KIF9: variants seen among roughly 807,000 people sequenced by gnomAD.
KIF9 encodes kinesin family member 9, also known as kinesin-like protein KIF9.
In KIF9, 68 loss-of-function variants were observed where a neutral mutation model predicts 94.8. The ratio of observed to expected loss-of-function variants is 0.72; its 90% CI spans 0.59 to 0.88. KIF9 has a LOEUF of 0.88. Among genes scored for constraint, KIF9 ranks in the 40% least tolerant of loss-of-function variants. The probability of loss-of-function intolerance (pLI) is 0.00; values close to 1 mark genes in which losing one functional copy is unlikely to be tolerated. For missense variants in KIF9, 882 were observed against 982.5 expected (o/e 0.90, Z 1.37); for synonymous variants, 343 against 362.1 (o/e 0.95, Z 0.60).
chr3:47,269,170 A>C (rs961244770), intron 5 of KIF9, among the ~76,000 whole-genome samples: 2 of 152,264 alleles, frequency 1.3e-5, no homozygotes, highest in African/African-American at 4.8e-5. Flanking sequence ...CATGCCTGTG[A>C]ATAGCCATTG....
At position 47,275,380 on chromosome 3, in the gene KIF9, C is replaced by G; in HGVS notation, c.204G>C (p.Leu68Phe). 6.2e-7 allele frequency: 1 copy of G among 1,613,966 alleles called. No individual in the cohort carries two copies. Among genetic ancestry groups the G allele is most frequent in the Non-Finnish European group, 8.5e-7 (1 of 1,179,894 alleles). The change falls in exon 3 of 21, where the codon TTG becomes TTC. Residue 68 changes from leucine (L) to phenylalanine (F), a missense_variant. By Grantham distance (22) the Leu-to-Phe change is conservative. Coordinates refer to ENST00000684063, the MANE Select transcript of KIF9 (RefSeq NM_182902.4). Reference protein sequence around the residue: ...DGVLHDASQDLVYETVAKDVV... With the variant: ...DGVLHDASQDFVYETVAKDVV... ...CATCCTTTGCAACTGTCTCATAAAC[C>G]AAGTCCTGGGAGGCATCGTGAAGAA...
intron 1 of KIF9, chr3:47,281,990 C>T (rs1393949619): frequency 1.8e-5 from 3 of 163,702 alleles, no homozygotes; most frequent in Admixed American, 1.3e-4. Context: ...CTGGGTCCAA[C>T]TGCACCTGGC....
chr3:47,250,547 T>C (rs1008250132), intron 10 of KIF9: 2 of 484,662 alleles, frequency 4.1e-6, no homozygotes, highest in South Asian at 1.5e-5. Context: ...TGTGCCAATG[T>C]CGTAACAAGG....
chr3:47,235,525 C>G lies in KIF9; in HGVS notation c.2310G>C (p.Lys770Asn). The G allele has an allele frequency of 6.2e-7, 1 of 1,613,398 alleles. No homozygotes were observed. Among genetic ancestry groups the G allele is most frequent in the Non-Finnish European group, 8.5e-7 (1 of 1,179,290 alleles). ...DSISFYNAKV[K>N]IEQKHNYLKT... Reference sequence around the variant, plus strand: ...GCCTCTGAGTTACCTTCTGCTCTATCTTGACTTTGGCATTGTAGAAGGAGA... The same window carrying G: ...GCCTCTGAGTTACCTTCTGCTCTATGTTGACTTTGGCATTGTAGAAGGAGA... Residue 770 changes from lysine to asparagine, a missense_variant, in exon 20 of 21, where the codon AAG becomes AAC. Coordinates refer to ENST00000684063, the MANE Select transcript of KIF9 (RefSeq NM_182902.4).
rs147452319 is a variant in KIF9 at position 47,237,357 on chromosome 3, G to T, written c.1925-738C>A. ...GATCCGCCCGCCTCGGCCTCCCAAA[G>T]TGGTGGGATTACAGGCGTGAGCCAC... is the stretch of plus-strand genomic sequence containing the variant. On this transcript the variant is annotated intron_variant, in intron 17 of 20. Transcript: ENST00000684063. 1.9e-3 allele frequency among the ~76,000 whole-genome samples: 285 copies of T among 152,340 alleles called. 2 individuals are homozygous for T. Among genetic ancestry groups the T allele is most frequent in the African/African-American group, 6.6e-3 (273 of 41,582 alleles).
intron 14 of KIF9, 73 bp from the exon 15 acceptor site, chr3:47,244,997 A>G: frequency 6.3e-7 from 1 of 1,585,034 alleles, no homozygotes; most frequent in African/African-American, 1.3e-5. Context: ...CCACATGTAT[A>G]TGGCCCAAGG....
chr3:47,273,034 G>A (rs1246107639), intron 4 of KIF9, among the ~76,000 whole-genome samples: 1 of 152,184 alleles, frequency 6.6e-6, no homozygotes, highest in Non-Finnish European at 1.5e-5. Context: ...CCAAAGGAAG[G>A]CCCTTCTGTC....
intron 13 of KIF9, 185 bp from the exon 14 acceptor site, chr3:47,245,696 C>T (rs1699878203): frequency 5.0e-6 from 3 of 598,508 alleles, no homozygotes; most frequent in Non-Finnish European, 9.0e-6. Context: ...TTGCATATAC[C>T]CACTGTCCGA....
rs745962914 is a variant in KIF9 at position 47,236,076 on chromosome 3, G to A, written c.2175C>T (p.Ser725=). 2 of 1,614,182 alleles carry A rather than the reference G, an allele frequency of 1.2e-6. No homozygotes were observed. The highest frequency in any genetic ancestry group is 1.7e-6 in the Non-Finnish European group (2 of 1,180,010). ...DMQMALKPGG[S]IRPGMVPVNR... is the part of the protein sequence containing the mutation. Reference sequence around the variant, plus strand: ...TCACAGGGACCATGCCTGGCCGGATGCTGCCGCCTGGCTTCAGTGCCATCT... The same window carrying A: ...TCACAGGGACCATGCCTGGCCGGATACTGCCGCCTGGCTTCAGTGCCATCT... The change falls in exon 19 of 21, where the codon AGC becomes AGT. Residue 725 remains serine, a synonymous_variant. Coordinates refer to ENST00000684063, the MANE Select transcript of KIF9 (RefSeq NM_182902.4).
At position 47,271,447 on chromosome 3, in the gene KIF9, G is replaced by C. The variant is rs769750758; in HGVS notation, c.381C>G (p.Ile127Met). ...TGATGGCATGTGTGGGGCGTTCTTC[G>C]ATCATCCTAAAAACCTAGATGACAG... ...PRALQQVFRMIEERPTHAITV... is the reference protein window; with the variant it reads ...PRALQQVFRMMEERPTHAITV... The change falls in exon 5 of 21, where the codon ATC becomes ATG. Residue 127 changes from isoleucine to methionine, a missense_variant. Coordinates refer to ENST00000684063, the MANE Select transcript of KIF9 (RefSeq NM_182902.4). The C allele has an allele frequency of 6.2e-7, 1 of 1,613,892 alleles. No individual in the cohort carries two copies. Among genetic ancestry groups the C allele is most frequent in the South Asian group, 1.1e-5 (1 of 91,042 alleles).
At position 47,236,162 on chromosome 3, in the gene KIF9, G is replaced by A; in HGVS notation, c.2102-13C>T. The A allele has an allele frequency of 6.3e-7, 1 of 1,590,622 alleles. No homozygotes were observed. The highest frequency in any genetic ancestry group is 8.6e-7 in the Non-Finnish European group (1 of 1,158,646). On this transcript the variant is annotated splice_polypyrimidine_tract_variant and intron_variant, in intron 18 of 20. Coordinates refer to ENST00000684063, the MANE Select transcript of KIF9 (RefSeq NM_182902.4). Reference sequence around the variant, plus strand: ...CAGATGTCAAATTCTACAAGGAGGTGAGGAGACAGAACTTGAGGAAGCCGG... The same window carrying A: ...CAGATGTCAAATTCTACAAGGAGGTAAGGAGACAGAACTTGAGGAAGCCGG...
chr3:47,281,327 TTTTTTG>T (rs1014202395), intron 1 of KIF9: 25 of 342,840 alleles, frequency 7.3e-5, no homozygotes, highest in African/African-American at 2.3e-4. Flanking sequence ...ACCACACGCT[TTTTTTG>T]TTTTTGTTTT....
intron 9 of KIF9, chr3:47,263,541 T>C (rs1442949551): frequency 4.7e-6 from 1 of 211,602 alleles, no homozygotes; most frequent in Non-Finnish European, 9.7e-6. Flanking sequence ...CCCCCCGCAG[T>C]AGATAGATGT....
In KIF9 at chr3:47,267,022, A is replaced by T. The variant is rs958678476; in HGVS notation, c.722T>A (p.Ile241Asn). Residue 241 changes from isoleucine to asparagine, a missense_variant, in exon 7 of 21, where the codon ATT (isoleucine) becomes AAT (asparagine). Ile to Asn is a moderately radical substitution (Grantham distance 149). Transcript: ENST00000684063. ...TGAGCCTGCCAGATCCACCAAGTTAATTTTGGAAGTGATGTACTTTTCCTC... is the reference window on the plus strand; with the variant it reads ...TGAGCCTGCCAGATCCACCAAGTTATTTTTGGAAGTGATGTACTTTTCCTC... Reference protein sequence around the residue: ...LSEEKYITSKINLVDLAGSER... With the variant: ...LSEEKYITSKNNLVDLAGSER... 7 of 1,613,756 alleles carry T rather than the reference A, an allele frequency of 4.3e-6. No homozygotes were observed. Among genetic ancestry groups the T allele is most frequent in the Non-Finnish European group, 5.9e-6 (7 of 1,180,006 alleles).
intron 20 of KIF9, among the ~76,000 whole-genome samples, chr3:47,229,943 AG>A (rs1219357530): frequency 1.3e-5 from 2 of 152,098 alleles, no homozygotes; most frequent in South Asian, 2.1e-4. Flanking sequence ...CATGTTAGCC[AG>A]GCTGGTCCTG....
chr3:47,255,370 G>A lies in KIF9; in HGVS notation c.1059+2113C>T, dbSNP rs569428020. On this transcript the variant is annotated intron_variant, in intron 10 of 20. Coordinates refer to ENST00000684063, the MANE Select transcript of KIF9 (RefSeq NM_182902.4). The stretch of plus-strand genomic sequence containing the variant: ...TTGTATTTCCCTTGTTAATGGTGAT[G>A]CTGAGCACTCCCTCTGATTGGCCAG... Among the ~76,000 whole-genome samples the A allele has an allele frequency of 5.3e-5, 8 of 152,304 alleles. No individual in the cohort carries two copies. The East Asian group carries it at 1.5e-3, about 29-fold the overall frequency.
intron 9 of KIF9, 183 bp downstream of exon 9, chr3:47,264,103 C>A (rs554737018): frequency 3.4e-6 from 2 of 596,276 alleles, no homozygotes; most frequent in Non-Finnish European, 6.2e-6. Context: ...CAGCTTAGTG[C>A]TTGGTGTGTG....
Position 47,254,574 on chromosome 3 carries a change from A to G in KIF9, c.1059+2909T>C, listed in dbSNP as rs149168663. Among the ~76,000 whole-genome samples the G allele has an allele frequency of 6.8e-3, 1,030 of 152,128 alleles. 11 individuals carry two copies. Among genetic ancestry groups the G allele is most frequent in the African/African-American group, 0.023 (941 of 41,488 alleles). On this transcript the variant is annotated intron_variant, in intron 10 of 20. Transcript: ENST00000684063. ...TGCAGTGAGCAGAGATCGTGCCACT[A>G]CACTCCAGCCTGGGTGACATAGGGA...
At chr3:47,265,696 C>A (rs765499360) in intron 8 of KIF9, 34 bp downstream of exon 8, 4 of 1,607,918 alleles carry the variant, frequency 2.5e-6, no homozygotes, top group East Asian at 4.5e-5. Flanking sequence ...AAGACACAGA[C>A]CCTCCTCCCT....
Sources: gnomAD v4.1 joint callset for allele counts (sites outside exome capture counted in the v4.1 genomes callset) on GRCh38, gnomAD v4.1.1 for gene constraint, MANE v1.5 for transcripts, NCBI Gene and HGNC (gene_info 2026-07-23, HGNC 2026-07-21) for gene names.